Variants in JHY observed in about 807,000 individuals in gnomAD.
JHY encodes the protein jhy protein homolog.
In JHY, 69 loss-of-function variants were observed where a neutral mutation model predicts 78.0. That is an observed-to-expected ratio of 0.88 (90% CI 0.73 to 1.08). The LOEUF is 1.08. JHY is among the 50% of genes least tolerant of loss of function. The pLI is 0.00. For missense variants in JHY, 944 were observed against 927.8 expected (o/e 1.02, Z -0.23); for synonymous variants, 368 against 342.6 (o/e 1.07, Z -0.82).
At chr11:122,939,002 T>C (rs1300290710) in intron 5 of JHY, among the ~76,000 whole-genome samples, 4 of 151,422 alleles carry the variant, frequency 2.6e-5, no homozygotes, top group African/African-American at 9.7e-5. Context: ...TTTTTTTTTT[T>C]TCCGGAGACG....
In JHY at chr11:122,959,942, A is replaced by G. The variant is rs1429020916; in HGVS notation, c.*497A>G. ...CAAGTTTGGCAAAGGGCTTATATAT[A>G]TTAAGTTGAGGCCGGGCACAGTGGC... On this transcript the variant is annotated 3_prime_UTR_variant, in exon 9 of 9. Transcript: ENST00000227349. 2 of 155,594 alleles carry G rather than the reference A, an allele frequency of 1.3e-5. No homozygotes were observed. The highest frequency in any genetic ancestry group is 2.4e-5 in the African/African-American group (1 of 41,456). 9.6% of individuals were successfully genotyped at this position (155,594 alleles called of 1,614,324 possible).
intron 5 of JHY, among the ~76,000 whole-genome samples, chr11:122,945,290 A>G (rs968479687): frequency 6.6e-6 from 1 of 152,170 alleles, no homozygotes; most frequent in African/African-American, 2.4e-5. Context: ...TGAGTTTTAA[A>G]TTTCAATAAT....
At chr11:122,919,116 G>T (rs904563788) in intron 3 of JHY, among the ~76,000 whole-genome samples, 2 of 151,838 alleles carry the variant, frequency 1.3e-5, no homozygotes, top group African/African-American at 2.4e-5. Context: ...ACTTTGGAAG[G>T]CTCAGGTGGC....
intron 3 of JHY, chr11:122,905,902 CTG>C: frequency 6.6e-6 from 1 of 151,664 alleles, no homozygotes; most frequent in South Asian, 2.1e-4. Context: ...AGAATGATGT[CTG>C]GTGAAATTTG....
chr11:122,916,611 GT>G (rs1402565056), intron 3 of JHY, among the ~76,000 whole-genome samples: 1 of 151,968 alleles, frequency 6.6e-6, no homozygotes, highest in African/African-American at 2.4e-5. Flanking sequence ...GTGTGTTTTG[GT>G]TTTTTGTTTT....
intron 3 of JHY, among the ~76,000 whole-genome samples, chr11:122,911,001 C>A (rs1863109602): frequency 1.3e-5 from 2 of 152,194 alleles, no homozygotes; most frequent in Admixed American, 1.3e-4. Context: ...CACGGTCAGG[C>A]AGTAACTTTG....
intron 5 of JHY, among the ~76,000 whole-genome samples, chr11:122,943,359 C>A (rs1863910831): frequency 6.6e-6 from 1 of 152,118 alleles, no homozygotes; most frequent in Admixed American, 6.5e-5. Flanking sequence ...TTTTTTGATA[C>A]TTGTTTTTGG....
At position 122,898,217 on chromosome 11, in the gene JHY, G is replaced by C. The variant is rs1190938826; in HGVS notation, c.345-5708G>C. 3.9e-5 allele frequency among the ~76,000 whole-genome samples: 6 copies of C among 152,170 alleles called. No individual in the cohort carries two copies. The highest frequency in any genetic ancestry group is 7.4e-5 in the Non-Finnish European group (5 of 68,022). On this transcript the variant is annotated intron_variant, in intron 2 of 8. Coordinates refer to ENST00000227349, the MANE Select transcript of JHY (RefSeq NM_024806.4). This position sits in a 1 kb window ranked among gnomAD's most constrained non-coding sequence, Gnocchi z 4.4. ...CTGTATCTTCTGTGCCTAAGATTCT[G>C]CCTGTATGTAGGGAGGTGTTCCATG... is the stretch of plus-strand genomic sequence containing the variant.
chr11:122,944,590 AGAGTTAATACTGTATTAT>A (rs1455634739), intron 5 of JHY, among the ~76,000 whole-genome samples: 1 of 152,188 alleles, frequency 6.6e-6, no homozygotes, highest in Non-Finnish European at 1.5e-5. Flanking sequence ...ATTGTTGTCT[AGAGTTAATACTGTATTAT>A]GAGTTAATAC....
In JHY at chr11:122,959,599, C is replaced by T. The variant is rs572785429; in HGVS notation, c.*154C>T. On this transcript the variant is annotated 3_prime_UTR_variant, in exon 9 of 9. Coordinates refer to ENST00000227349, the MANE Select transcript of JHY (RefSeq NM_024806.4). ...TTCTGCAGGATTTAAAATATGAGGC[C>T]CAATTGGATTATGGTGCCATATTTT... The T allele has an allele frequency of 7.7e-4, 540 of 697,700 alleles. 5 individuals are homozygous for T. The African/African-American group carries it at 8.6e-3, about 11-fold the overall frequency. The allele number at this position is 697,700 out of a possible 1,614,324, so 43.2% of individuals were successfully genotyped here.
At position 122,924,935 on chromosome 11, in the gene JHY, TC is replaced by T. The variant is rs1183334337; in HGVS notation, c.904del (p.Gln302ArgfsTer24). 1 of 1,614,108 alleles carries T rather than the reference TC, an allele frequency of 6.2e-7. No individual in the cohort carries two copies. Among genetic ancestry groups the T allele is most frequent in the South Asian group, 1.1e-5 (1 of 91,078 alleles). The part of the protein sequence containing the change: ...PVRVTDKTSI[Q>X]NAKEMENAAI... ...TCAGAGTAACAGACAAGACGTCTAT[TC>T]AGAATGCCAAGGAAATGGAAAATGC... On this transcript the variant is annotated frameshift_variant, in exon 4 of 9. Transcript: ENST00000227349. LOFTEE classifies it high-confidence loss of function.
Position 122,885,929 on chromosome 11 carries a change from A to AC in JHY, c.83dup (p.Pro29ThrfsTer18). 1.9e-6 allele frequency: 3 copies of AC among 1,614,128 alleles called. No homozygotes were observed. On this transcript the variant is annotated frameshift_variant, in exon 2 of 9. Transcript: ENST00000227349. LOFTEE classifies it high-confidence loss of function. ...ACCAACTTAAATGTCCAGTCCACAC[A>AC]CCCACCTTTGAAGAAAGAAGACTTA...
intron 2 of JHY, among the ~76,000 whole-genome samples, chr11:122,901,404 TTTC>T: frequency 6.6e-6 from 1 of 152,278 alleles, no homozygotes; most frequent in African/African-American, 2.4e-5. Context: ...TTTAAAAATA[TTTC>T]TTCATTAATA....
At chr11:122,952,567 T>C (rs1864111411) in intron 6 of JHY, among the ~76,000 whole-genome samples, 1 of 152,208 alleles carries the variant, frequency 6.6e-6, no homozygotes, top group Non-Finnish European at 1.5e-5. Context: ...TGTCCCTTCA[T>C]ATCGAGGTGT....
intron 5 of JHY, among the ~76,000 whole-genome samples, chr11:122,939,839 C>A (rs1169855124): frequency 6.6e-6 from 1 of 151,986 alleles, no homozygotes; most frequent in Admixed American, 6.6e-5. Context: ...AGAATAAGGA[C>A]ATTGTCTTAT....
chr11:122,904,094 G>A lies in JHY; in HGVS notation c.514G>A (p.Glu172Lys), dbSNP rs1391017402. The change falls in exon 3 of 9, where the codon GAA (glutamate) becomes AAA (lysine). Residue 172 changes from glutamate to lysine, a missense_variant. Coordinates refer to ENST00000227349, the MANE Select transcript of JHY (RefSeq NM_024806.4). ...PLYPSQETSM[E>K]LSGGKGEQKE... ...CTACCCTTCCCAGGAGACGTCAATG[G>A]AACTCTCCGGGGGAAAAGGCGAGCA... The A allele has an allele frequency of 8.1e-6, 13 of 1,614,010 alleles. No individual in the cohort carries two copies. In the South Asian group the frequency reaches 1.3e-4, roughly 16 times the overall value.
chr11:122,903,087 C>T (rs1273472945), intron 2 of JHY, among the ~76,000 whole-genome samples: 1 of 152,192 alleles, frequency 6.6e-6, no homozygotes, highest in Non-Finnish European at 1.5e-5. Flanking sequence ...ATTCCAAGGG[C>T]TACAGCGTCA....
At chr11:122,890,523 G>A (rs1446420324) in intron 2 of JHY, among the ~76,000 whole-genome samples, 2 of 152,126 alleles carry the variant, frequency 1.3e-5, no homozygotes, top group African/African-American at 4.8e-5. Context: ...CAATGGATAG[G>A]TATTTTTGTC....
At chr11:122,934,220 G>A (rs1419374208) in intron 4 of JHY, among the ~76,000 whole-genome samples, 200 bp from the exon 5 acceptor site, 1 of 151,994 alleles carries the variant, frequency 6.6e-6, no homozygotes, top group Non-Finnish European at 1.5e-5. Context: ...GTGGGCTGAG[G>A]CAGGAGAATG....
Sources: allele counts gnomAD v4.1 joint callset (sites outside exome capture counted in the v4.1 genomes callset), GRCh38; gene constraint gnomAD v4.1.1; non-coding constraint Gnocchi (gnomAD v3.1); transcripts MANE v1.5; gene names NCBI Gene and HGNC (gene_info 2026-07-23, HGNC 2026-07-21).